AFF4: variants seen among roughly 807,000 people sequenced by gnomAD.
AFF4 encodes the protein AF4/FMR2 family member 4.
Under a neutral mutation model 124.8 loss-of-function variants are expected in AFF4, and 13 were observed. That is an observed-to-expected ratio of 0.10 (90% CI 0.07 to 0.17). AFF4 has a LOEUF of 0.17. Among genes scored for constraint, AFF4 ranks in the 10% least tolerant of loss-of-function variants. AFF4 has a pLI of 1.00. For missense variants in AFF4, 1,092 were observed against 1,403.8 expected (o/e 0.78, Z 3.55); for synonymous variants, 477 against 496.1 (o/e 0.96, Z 0.51).
intron 18 of AFF4, 138 bp downstream of exon 18, chr5:132,886,171 CA>C: frequency 4.2e-6 from 3 of 711,516 alleles, no homozygotes; most frequent in Non-Finnish European, 7.1e-6. Context: ...AAAGAAACCT[CA>C]AACTTATTTG....
chr5:132,896,806 T>C lies in AFF4; in HGVS notation c.1824A>G (p.Ser608=), dbSNP rs1760413368. 6.2e-7 allele frequency: 1 copy of C among 1,613,982 alleles called. No homozygotes were observed. Among genetic ancestry groups the C allele is most frequent in the Admixed American group, 1.7e-5 (1 of 59,972 alleles). ...ACTCCTTCTTTATATTGGGTTTCCT[T>C]GAGCCTTTGGTGGCTGCTTTGTGTC... ...SSRHKAATKG[S]RKPNIKKESK... is the part of the protein sequence containing the mutation. Residue 608 remains serine, a synonymous_variant, in exon 11 of 21, where the codon TCA becomes TCG. Coordinates refer to ENST00000265343, the MANE Select transcript of AFF4 (RefSeq NM_014423.4).
At chr5:132,937,768 A>G (rs1431967121) in intron 1 of AFF4, 1 of 152,234 alleles carries the variant, frequency 6.6e-6, no homozygotes, top group Non-Finnish European at 1.5e-5. Flanking sequence ...TGCTCTAAAT[A>G]TATTAATATT....
chr5:132,962,829 G>A (rs905976365), intron 1 of AFF4, among the ~76,000 whole-genome samples: 1 of 150,592 alleles, frequency 6.6e-6, no homozygotes, highest in Non-Finnish European at 1.5e-5. Flanking sequence ...TTGCGGGGGT[G>A]GGGGTGTGGG....
chr5:132,904,673 T>TA (rs987265347), intron 5 of AFF4, among the ~76,000 whole-genome samples: 4 of 152,172 alleles, frequency 2.6e-5, no homozygotes, highest in Non-Finnish European at 4.4e-5. Context: ...GAGCCCTTTA[T>TA]AAAATAACTA....
At chr5:132,921,582 C>A (rs1161083632) in intron 5 of AFF4, among the ~76,000 whole-genome samples, 4 of 151,816 alleles carry the variant, frequency 2.6e-5, no homozygotes, top group East Asian at 1.9e-4. Flanking sequence ...GATTCTCCTG[C>A]CTTAGCCTCC....
At chr5:132,931,237 C>A (rs937509219) in intron 4 of AFF4, among the ~76,000 whole-genome samples, 1 of 151,518 alleles carries the variant, frequency 6.6e-6, no homozygotes, top group Non-Finnish European at 1.5e-5. Flanking sequence ...AAGACCAGCC[C>A]GGACAAAGTG....
chr5:132,929,619 A>C (rs1761255763), intron 4 of AFF4, among the ~76,000 whole-genome samples: 1 of 152,192 alleles, frequency 6.6e-6, no homozygotes, highest in African/African-American at 2.4e-5. Context: ...GGAGAAATAC[A>C]TTCCAAGCTT....
intron 1 of AFF4, among the ~76,000 whole-genome samples, chr5:132,941,284 A>G (rs1434165987): frequency 1.3e-5 from 2 of 152,160 alleles, no homozygotes; most frequent in African/African-American, 2.4e-5. Flanking sequence ...GGGCAAAACT[A>G]TTTTATAGCT....
intron 18 of AFF4, among the ~76,000 whole-genome samples, chr5:132,885,815 C>G (rs944220547): frequency 1.3e-5 from 2 of 152,136 alleles, no homozygotes; most frequent in African/African-American, 4.8e-5. Flanking sequence ...CTCTCTGTCA[C>G]CAGGCTGGAG....
chr5:132,895,836 A>G (rs2023895), intron 11 of AFF4, among the ~76,000 whole-genome samples: 48,986 of 152,132 alleles, frequency 0.32, 8,106 homozygotes, highest in Middle Eastern at 0.4. Flanking sequence ...AGCTGGCTAT[A>G]AGCCAGCAAT....
At chr5:132,907,244 T>TCCCTTCTACAGCCTGTAGAAGTTTA (rs900378778) in intron 5 of AFF4, among the ~76,000 whole-genome samples, 5 of 152,230 alleles carry the variant, frequency 3.3e-5, no homozygotes, top group East Asian at 3.9e-4. Flanking sequence ...AGCTATAGCC[T>TCCCTTCTACAGCCTGTAGAAGTTTA]CCCTTCTACA....
chr5:132,947,403 G>C (rs12519955), intron 1 of AFF4, among the ~76,000 whole-genome samples: 1 of 152,004 alleles, frequency 6.6e-6, no homozygotes, highest in African/African-American at 2.4e-5. Flanking sequence ...ACTCTGCCTC[G>C]AAAACAAAAA....
chr5:132,896,758 T>C lies in AFF4; in HGVS notation c.1872A>G (p.Thr624=). ...TTGACTTATATTTCTTTTTCTCTGC[T>C]GTAGGTCGAGGGGAAGACTTAGACT... The part of the protein sequence containing the change: ...KKESKSSPRP[T]AEKKKYKSTS... Residue 624 remains threonine, a synonymous_variant, in exon 11 of 21, where the codon ACA becomes ACG. Transcript: ENST00000265343. 6.2e-7 allele frequency: 1 copy of C among 1,614,214 alleles called. No individual in the cohort carries two copies. Among genetic ancestry groups the C allele is most frequent in the Non-Finnish European group, 8.5e-7 (1 of 1,180,038 alleles).
chr5:132,962,048 T>G (rs941013571), intron 1 of AFF4, among the ~76,000 whole-genome samples: 1 of 152,168 alleles, frequency 6.6e-6, no homozygotes, highest in African/African-American at 2.4e-5. Context: ...TGCCAACACT[T>G]CTTTATGCAC....
intron 5 of AFF4, among the ~76,000 whole-genome samples, chr5:132,915,511 ATATAAT>A (rs1760888616): frequency 2.0e-5 from 3 of 151,978 alleles, no homozygotes; most frequent in African/African-American, 7.2e-5. Flanking sequence ...CTGGACAGAA[ATATAAT>A]TATAATTAAG....
At chr5:132,915,095 T>C (rs945465054) in intron 5 of AFF4, among the ~76,000 whole-genome samples, 2 of 152,098 alleles carry the variant, frequency 1.3e-5, no homozygotes, top group African/African-American at 2.4e-5. Flanking sequence ...TCCCAGCACT[T>C]TGGGAGGCCG....
chr5:132,904,553 G>A, intron 5 of AFF4, 149 bp from the exon 6 acceptor site: 3 of 659,684 alleles, frequency 4.5e-6, no homozygotes, highest in Admixed American at 3.0e-5. Context: ...GGCAATTTTG[G>A]GATCAATAAT....
intron 5 of AFF4, among the ~76,000 whole-genome samples, chr5:132,917,674 A>G (rs1474719596): frequency 2.7e-5 from 4 of 150,524 alleles, no homozygotes; most frequent in African/African-American, 9.8e-5. Context: ...ATAAAATTAT[A>G]CATGAAAGGT....
rs1028645508 is a variant in AFF4 at position 132,878,713 on chromosome 5, A to G, written c.*2346T>C. ...AAATTCATTCTCCAAAAATTGACAC[A>G]GTTTTAAAGAGAAAATATTAGAGCA... is the stretch of plus-strand genomic sequence containing the variant. On this transcript the variant is annotated 3_prime_UTR_variant, in exon 21 of 21. Transcript: ENST00000265343. 9.3e-5 allele frequency: 21 copies of G among 225,612 alleles called. No homozygotes were observed. The Admixed American group carries it at 1.1e-3, about 12-fold the overall frequency. 14.0% of individuals were successfully genotyped at this position (225,612 alleles called of 1,614,324 possible).
Sources: gnomAD v4.1 joint callset for allele counts (sites outside exome capture counted in the v4.1 genomes callset) on GRCh38, gnomAD v4.1.1 for gene constraint, MANE v1.5 for transcripts, NCBI Gene and HGNC (gene_info 2026-07-23, HGNC 2026-07-21) for gene names.